The following NACC2 variants were observed in gnomAD, a reference collection of about 807,000 sequenced individuals.
The protein encoded by NACC2 is nucleus accumbens-associated protein 2.
In NACC2, 8 loss-of-function variants were observed where a neutral mutation model predicts 25.1. That is an observed-to-expected ratio of 0.32 (90% CI 0.19 to 0.57). The LOEUF (loss-of-function observed/expected upper bound fraction) is 0.57, where lower values mean the gene tolerates loss of function less well. NACC2 is among the 20% of genes least tolerant of loss of function. The pLI is 0.89. For synonymous variants in NACC2, 435 were observed against 294.7 expected (o/e 1.48, Z -4.88); for missense variants, 644 against 650.2 (o/e 0.99, Z 0.10).
chr9:136,030,214 C>T (rs980072682), intron 2 of NACC2, among the ~76,000 whole-genome samples: 2 of 151,876 alleles, frequency 1.3e-5, no homozygotes. Flanking sequence ...GAAATATACA[C>T]CCCATCCTTA....
rs1840599238 is a variant in NACC2 at position 136,039,546 on chromosome 9, C to T, written c.886+10090G>A. On this transcript the variant is annotated intron_variant, in intron 2 of 5. Transcript: ENST00000277554. ...TAGAGGAAAATTACAGATCAATAAC[C>T]TTCATGAACATAAATGCAAAATTCC... 3.9e-5 allele frequency among the ~76,000 whole-genome samples: 6 copies of T among 152,250 alleles called. No individual in the cohort carries two copies. In the South Asian group the frequency reaches 1.2e-3, roughly 32 times the overall value.
Position 136,013,172 on chromosome 9 carries a change from C to T in NACC2, c.1255+27G>A. 1 of 1,254,132 alleles carries T rather than the reference C, an allele frequency of 8.0e-7. No homozygotes were observed. The highest frequency in any genetic ancestry group is 1.2e-6 in the Non-Finnish European group (1 of 858,950). 77.7% of individuals were successfully genotyped at this position (1,254,132 alleles called of 1,614,324 possible). ...GATCTGAACCCAGCCCCGGCCCCACCCACCCGAGAGACCCCCAGGCTCTTA... is the reference window on the plus strand; with the variant it reads ...GATCTGAACCCAGCCCCGGCCCCACTCACCCGAGAGACCCCCAGGCTCTTA... On this transcript the variant is annotated intron_variant, in intron 5 of 5. Transcript: ENST00000277554. This position sits in a 1 kb window ranked among gnomAD's most constrained non-coding sequence, Gnocchi z 6.6.
At chr9:136,079,733 C>T (rs77006359) in intron 1 of NACC2, among the ~76,000 whole-genome samples, 1 of 152,168 alleles carries the variant, frequency 6.6e-6, no homozygotes, top group Non-Finnish European at 1.5e-5. Flanking sequence ...AGATGGGTCT[C>T]AGGCCTCCCA....
intron 2 of NACC2, among the ~76,000 whole-genome samples, chr9:136,036,194 T>C (rs1233999711): frequency 1.3e-5 from 2 of 152,182 alleles, no homozygotes; most frequent in African/African-American, 4.8e-5. Context: ...AAATAGGCAC[T>C]TCACAAAGGA....
chr9:136,018,027 G>A lies in NACC2; in HGVS notation c.887-1598C>T, dbSNP rs900369598. Among the ~76,000 whole-genome samples, 1 of 152,168 alleles carries A rather than the reference G, an allele frequency of 6.6e-6. No homozygotes were observed. The highest frequency in any genetic ancestry group is 2.4e-5 in the African/African-American group (1 of 41,442). ...GGGAAGTCCCCCGGTGGGGGGCGGGGGGCAGCTTGCAGGACCTGCTGGTCT... is the reference window on the plus strand; with the variant it reads ...GGGAAGTCCCCCGGTGGGGGGCGGGAGGCAGCTTGCAGGACCTGCTGGTCT... On this transcript the variant is annotated intron_variant, in intron 2 of 5. Coordinates refer to ENST00000277554, the MANE Select transcript of NACC2 (RefSeq NM_144653.5). This position sits in a 1 kb window ranked among gnomAD's most constrained non-coding sequence, Gnocchi z 4.4.
chr9:136,014,226 C>G lies in NACC2; in HGVS notation c.1052-257G>C, dbSNP rs527592089. Among the ~76,000 whole-genome samples the G allele has an allele frequency of 9.9e-5, 15 of 152,256 alleles. No individual in the cohort carries two copies. The South Asian group carries it at 2.1e-3, about 21-fold the overall frequency. ...GGGTGGGGAAAGCCACAGCGCCCCCCACCCTCCCCAACGAGCCCCAAACTC... is the reference window on the plus strand; with the variant it reads ...GGGTGGGGAAAGCCACAGCGCCCCCGACCCTCCCCAACGAGCCCCAAACTC... On this transcript the variant is annotated intron_variant, in intron 3 of 5. Transcript: ENST00000277554.
At chr9:136,085,838 C>A (rs1041359500) in intron 1 of NACC2, among the ~76,000 whole-genome samples, 30 of 152,248 alleles carry the variant, frequency 2.0e-4, no homozygotes, top group Middle Eastern at 3.2e-3. Context: ...TGGGGTAGGT[C>A]CCTCCACAAT....
intron 1 of NACC2, among the ~76,000 whole-genome samples, chr9:136,056,665 T>C (rs1308025748): frequency 1.3e-5 from 2 of 152,176 alleles, no homozygotes; most frequent in Admixed American, 1.3e-4. Context: ...GGGGGGTCTC[T>C]GGGATGACGG....
At chr9:136,040,827 G>A (rs1421279632) in intron 2 of NACC2, among the ~76,000 whole-genome samples, 4 of 152,142 alleles carry the variant, frequency 2.6e-5, no homozygotes, top group Non-Finnish European at 5.9e-5. Flanking sequence ...CGGGTGTGGT[G>A]GTGCACGCCT....
intron 1 of NACC2, among the ~76,000 whole-genome samples, chr9:136,070,493 C>T (rs537835878): frequency 7.3e-5 from 11 of 151,648 alleles, no homozygotes; most frequent in East Asian, 3.9e-4. Context: ...GGCGACAGAG[C>T]GAGACTCGTC....
chr9:136,045,377 G>A (rs1252259037), intron 2 of NACC2, among the ~76,000 whole-genome samples: 3 of 129,572 alleles, frequency 2.3e-5, no homozygotes. Context: ...CGGGCCCTGT[G>A]GCCAGAGCTG....
intron 1 of NACC2, among the ~76,000 whole-genome samples, chr9:136,091,935 T>G (rs1830437402): frequency 6.6e-6 from 1 of 151,974 alleles, no homozygotes; most frequent in Non-Finnish European, 1.5e-5. Context: ...GCCCCTGGCC[T>G]GGGTAACCTC....
chr9:136,043,175 T>C (rs1840670808), intron 2 of NACC2, among the ~76,000 whole-genome samples: 2 of 152,214 alleles, frequency 1.3e-5, no homozygotes, highest in Admixed American at 6.5e-5. Context: ...GAGTCACCAT[T>C]ACAATAATGA....
chr9:136,079,417 C>T lies in NACC2; in HGVS notation c.-60+15772G>A, dbSNP rs1050150359. Among the ~76,000 whole-genome samples, 3 of 152,220 alleles carry T rather than the reference C, an allele frequency of 2.0e-5. 1 individual carries two copies. The highest frequency in any genetic ancestry group is 1.5e-5 in the Non-Finnish European group (1 of 68,036). On this transcript the variant is annotated intron_variant, in intron 1 of 5. Coordinates refer to ENST00000277554, the MANE Select transcript of NACC2 (RefSeq NM_144653.5). Reference sequence around the variant, plus strand: ...ACTGCAGAAGCCAATGCGTGGACTCCGGGGGCCCTGCAGGTGCAGCCAAGG... The same window carrying T: ...ACTGCAGAAGCCAATGCGTGGACTCTGGGGGCCCTGCAGGTGCAGCCAAGG...
intron 2 of NACC2, among the ~76,000 whole-genome samples, chr9:136,031,863 T>TG (rs1199631673): frequency 6.6e-6 from 1 of 152,252 alleles, no homozygotes; most frequent in Admixed American, 6.5e-5. Flanking sequence ...CTCCAGGCCC[T>TG]GGCTCTGCAT....
chr9:136,056,636 T>C (rs553512053), intron 1 of NACC2, among the ~76,000 whole-genome samples: 166 of 152,328 alleles, frequency 1.1e-3, no homozygotes, highest in Non-Finnish European at 2.0e-3. Flanking sequence ...GGCCCCCAGC[T>C]TCAGGGTCAC....
intron 1 of NACC2, among the ~76,000 whole-genome samples, chr9:136,088,293 G>A (rs1425963774): frequency 1.3e-5 from 2 of 152,180 alleles, no homozygotes; most frequent in African/African-American, 4.8e-5. Context: ...TGGAAGGGAT[G>A]ACGGGGGCAG....
chr9:136,060,317 G>A (rs2131170296), intron 1 of NACC2, among the ~76,000 whole-genome samples: 1 of 152,350 alleles, frequency 6.6e-6, no homozygotes, highest in Admixed American at 6.5e-5. Context: ...ACTTGGCTTT[G>A]GGATCACGGG....
At position 136,084,441 on chromosome 9, in the gene NACC2, C is replaced by T. The variant is rs72773727; in HGVS notation, c.-60+10748G>A. Among the ~76,000 whole-genome samples, 4,843 of 152,254 alleles carry T rather than the reference C, an allele frequency of 0.032. 117 individuals are homozygous for T. Among genetic ancestry groups the T allele is most frequent in the Admixed American group, 0.054 (833 of 15,296 alleles). On this transcript the variant is annotated intron_variant, in intron 1 of 5. Coordinates refer to ENST00000277554, the MANE Select transcript of NACC2 (RefSeq NM_144653.5). The surrounding 1 kb of genome is among the most constrained non-coding windows in gnomAD (Gnocchi z 5.1). ...GCTGGTGGGGCAACGTCCAAGAAGG[C>T]GGTATCTCTGACGTCCCTGCCCAAG... is the stretch of plus-strand genomic sequence containing the variant.
Sources: allele counts gnomAD v4.1 joint callset (sites outside exome capture counted in the v4.1 genomes callset), GRCh38; gene constraint gnomAD v4.1.1; non-coding constraint Gnocchi (gnomAD v3.1); transcripts MANE v1.5; gene names NCBI Gene and HGNC (gene_info 2026-07-23, HGNC 2026-07-21).